AUTS2: variants seen among roughly 807,000 people sequenced by gnomAD.
The protein encoded by AUTS2 is autism susceptibility gene 2 protein.
AUTS2 carries 17 observed loss-of-function variants against 112.4 expected under a neutral mutation model. The observed-to-expected ratio is 0.15, with a 90% CI of 0.10 to 0.23. AUTS2 has a LOEUF of 0.23. AUTS2 is among the 10% of genes least tolerant of loss of function. AUTS2 has a pLI of 1.00. For missense variants in AUTS2, 1,510 were observed against 1,701.6 expected, an observed-to-expected ratio of 0.89 and a Z score of 1.98; for synonymous variants, 751 against 702.7, an observed-to-expected ratio of 1.07 and a Z score of -1.09.
intron 2 of AUTS2, among the ~76,000 whole-genome samples, chr7:70,025,505 G>A (rs576631939): frequency 2.5e-4 from 36 of 146,620 alleles, no homozygotes; most frequent in Admixed American, 9.0e-4. Context: ...AGGCTGGAAC[G>A]CAGTGGCTGG....
intron 5 of AUTS2, among the ~76,000 whole-genome samples, chr7:70,644,171 G>A (rs1806016858): frequency 1.3e-5 from 2 of 152,124 alleles, no homozygotes; most frequent in Non-Finnish European, 2.9e-5. Context: ...AAGAAAACAA[G>A]GTCATCTATT....
intron 1 of AUTS2, among the ~76,000 whole-genome samples, chr7:69,687,354 G>A (rs1222604155): frequency 1.3e-5 from 2 of 152,214 alleles, no homozygotes; most frequent in Non-Finnish European, 2.9e-5. Flanking sequence ...TTTTCTAACT[G>A]TTGGTGTGTG....
chr7:69,857,590 G>C (rs1284280645), intron 1 of AUTS2, among the ~76,000 whole-genome samples: 1 of 152,182 alleles, frequency 6.6e-6, no homozygotes, highest in African/African-American at 2.4e-5. Context: ...TATCGTCTTA[G>C]AGATATAGAT....
intron 5 of AUTS2, among the ~76,000 whole-genome samples, chr7:70,692,568 C>T (rs1366452023): frequency 6.6e-6 from 1 of 152,142 alleles, no homozygotes; most frequent in East Asian, 1.9e-4. Flanking sequence ...TCTGAGATGC[C>T]TTTTCTTTTG....
intron 2 of AUTS2, among the ~76,000 whole-genome samples, chr7:69,963,527 T>C (rs965670572): frequency 2.0e-5 from 3 of 152,136 alleles, no homozygotes; most frequent in African/African-American, 7.2e-5. Context: ...TAAGAAGTGA[T>C]GTTTCTATAA....
At chr7:70,229,998 A>G (rs1055294125) in intron 4 of AUTS2, among the ~76,000 whole-genome samples, 1 of 152,060 alleles carries the variant, frequency 6.6e-6, no homozygotes, top group Non-Finnish European at 1.5e-5. Context: ...ACTTTTTCGG[A>G]AGGGGATCTT....
intron 5 of AUTS2, chr7:70,596,371 T>G (rs1803209471): frequency 6.6e-6 from 1 of 152,158 alleles, no homozygotes; most frequent in African/African-American, 2.4e-5. Flanking sequence ...CACCTGCCAG[T>G]GCCCGCGAAC....
intron 1 of AUTS2, among the ~76,000 whole-genome samples, chr7:69,876,971 G>C (rs1175871579): frequency 6.6e-6 from 1 of 152,170 alleles, no homozygotes; most frequent in East Asian, 1.9e-4. Flanking sequence ...GTTGCCCACT[G>C]ATTAGCTTGG....
intron 5 of AUTS2, among the ~76,000 whole-genome samples, chr7:70,571,015 G>A (rs12531840): frequency 0.37 from 55,681 of 151,996 alleles, 10,666 homozygotes; most frequent in Admixed American, 0.47. Flanking sequence ...CCTCCACCAC[G>A]TAGGTCCTTT....
chr7:70,007,628 T>C (rs1799605750), intron 2 of AUTS2, among the ~76,000 whole-genome samples: 1 of 152,132 alleles, frequency 6.6e-6, no homozygotes, highest in African/African-American at 2.4e-5. Flanking sequence ...AAAGTAAGGA[T>C]TATTTATTTT....
chr7:70,530,219 T>A (rs2129497765), intron 5 of AUTS2, among the ~76,000 whole-genome samples: 1 of 152,258 alleles, frequency 6.6e-6, no homozygotes, highest in South Asian at 2.1e-4. Flanking sequence ...ATATCCGTGC[T>A]GGGGAGTGTT....
chr7:70,447,233 A>G lies in AUTS2; in HGVS notation c.690+11452A>G, dbSNP rs115387708. ...AAATGTTTGCCAAGGTGTTTTACACATTATCTTATACAGTCCTCACACCAA... is the reference window on the plus strand; with the variant it reads ...AAATGTTTGCCAAGGTGTTTTACACGTTATCTTATACAGTCCTCACACCAA... On this transcript the variant is annotated intron_variant, in intron 5 of 18. Transcript: ENST00000342771. Among the ~76,000 whole-genome samples, 1,493 of 152,298 alleles carry G rather than the reference A, an allele frequency of 9.8e-3. 27 individuals carry two copies. Among genetic ancestry groups the G allele is most frequent in the African/African-American group, 0.034 (1,421 of 41,548 alleles).
intron 4 of AUTS2, among the ~76,000 whole-genome samples, chr7:70,342,323 C>CT (rs551510185): frequency 0.036 from 5,150 of 141,590 alleles, 194 homozygotes; most frequent in African/African-American, 0.089. Flanking sequence ...ATAATTTTTT[C>CT]TTTTTTTTTT....
chr7:70,353,569 C>G (rs909516441), intron 4 of AUTS2, among the ~76,000 whole-genome samples: 4 of 152,170 alleles, frequency 2.6e-5, no homozygotes, highest in Admixed American at 2.6e-4. Context: ...TCCGATCTTT[C>G]TCCTTCCCCA....
chr7:70,750,325 A>G (rs1788723559), intron 6 of AUTS2, among the ~76,000 whole-genome samples: 1 of 131,864 alleles, frequency 7.6e-6, no homozygotes. Context: ...CGACAGATGG[A>G]AAGTCTTTTT....
Position 70,376,245 on chromosome 7 carries a change from T to C in AUTS2, c.661-59507T>C, listed in dbSNP as rs545826026. 1.3e-3 allele frequency among the ~76,000 whole-genome samples: 194 copies of C among 152,344 alleles called. 3 individuals are homozygous for C. Among genetic ancestry groups the C allele is most frequent in the African/African-American group, 4.4e-3 (184 of 41,580 alleles). On this transcript the variant is annotated intron_variant, in intron 4 of 18. Coordinates refer to ENST00000342771, the MANE Select transcript of AUTS2 (RefSeq NM_015570.4). ...CTTGCAGTTCGCTTTACCTGCCTTTTCTGTGGTATTAAACACATTGCTTAA... is the reference window on the plus strand; with the variant it reads ...CTTGCAGTTCGCTTTACCTGCCTTTCCTGTGGTATTAAACACATTGCTTAA...
chr7:70,649,500 T>TTTTTTTTATTTA (rs1554451097), intron 5 of AUTS2, among the ~76,000 whole-genome samples: 7 of 143,870 alleles, frequency 4.9e-5, no homozygotes, highest in African/African-American at 1.8e-4. Flanking sequence ...TGGTGATTTA[T>TTTTTTTTATTTA]TTTATTTATT....
chr7:70,647,625 C>T (rs765624986), intron 5 of AUTS2, among the ~76,000 whole-genome samples: 68 of 152,340 alleles, frequency 4.5e-4, no homozygotes, highest in African/African-American at 1.4e-3. Flanking sequence ...CACCCTGGCT[C>T]GTCTCCTGTG....
chr7:70,749,696 C>T (rs1788681685), intron 6 of AUTS2, among the ~76,000 whole-genome samples: 1 of 152,130 alleles, frequency 6.6e-6, no homozygotes, highest in Non-Finnish European at 1.5e-5. Flanking sequence ...TCCCCTGGGC[C>T]ATAGCAGGTT....
Sources: allele counts gnomAD v4.1 joint callset (sites outside exome capture counted in the v4.1 genomes callset), GRCh38; gene constraint gnomAD v4.1.1; transcripts MANE v1.5; gene names NCBI Gene and HGNC (gene_info 2026-07-23, HGNC 2026-07-21).